Variants in KCNJ16 observed in about 807,000 individuals in gnomAD.
The protein encoded by KCNJ16 is potassium inwardly rectifying channel subfamily J member 16.
A neutral mutation model predicts 18.5 loss-of-function variants in KCNJ16; 15 were observed. The observed-to-expected ratio is 0.81, with a 90% confidence interval of 0.54 to 1.25. KCNJ16 has a LOEUF of 1.25. Among genes scored for constraint, KCNJ16 ranks in the 50% most tolerant of loss-of-function variants. The probability of loss-of-function intolerance (pLI) is 0.00; values close to 1 mark genes in which losing one functional copy is unlikely to be tolerated. For missense variants in KCNJ16, 523 were observed against 525.7 expected (o/e 0.99, Z 0.05); for synonymous variants, 174 against 186.5 (o/e 0.93, Z 0.55).
At chr17:70,121,406 G>A (rs2073632589) in intron 2 of KCNJ16, among the ~76,000 whole-genome samples, 1 of 152,080 alleles carries the variant, frequency 6.6e-6, no homozygotes, top group Non-Finnish European at 1.5e-5. Flanking sequence ...ACTCAGATTT[G>A]GCCCTCAGGC....
At chr17:70,104,890 C>T (rs1245915794) in intron 2 of KCNJ16, 3 of 152,580 alleles carry the variant, frequency 2.0e-5, no homozygotes, top group African/African-American at 7.2e-5. Context: ...TGAATGTATC[C>T]GGAAAGGCAA....
At chr17:70,111,770 T>A (rs950044992) in intron 2 of KCNJ16, among the ~76,000 whole-genome samples, 1 of 152,048 alleles carries the variant, frequency 6.6e-6, no homozygotes, top group Admixed American at 6.6e-5. Context: ...AGCTGATGGT[T>A]TTATAAGGGG....
chr17:70,125,520 C>T (rs189127005), intron 2 of KCNJ16, among the ~76,000 whole-genome samples: 1 of 152,272 alleles, frequency 6.6e-6, no homozygotes, highest in East Asian at 1.9e-4. Flanking sequence ...ACTCAGTTCT[C>T]ATGGTGTTAC....
Position 70,108,495 on chromosome 17 carries a change from TGA to T in KCNJ16, c.-191+7730_-191+7731del. 5 of 152,198 alleles carry T rather than the reference TGA, an allele frequency of 3.3e-5. No individual in the cohort carries two copies. The South Asian group carries it at 1.0e-3, about 32-fold the overall frequency. The allele number at this position is 152,198 out of a possible 1,614,324, so 9.4% of individuals were successfully genotyped here. A position where few individuals can be genotyped will look rare whatever the true frequency, so the allele number is the denominator to read the frequency against. On this transcript the variant is annotated intron_variant, in intron 2 of 3. Coordinates refer to ENST00000392671, the MANE Select transcript of KCNJ16 (RefSeq NM_170741.4). ...AAGACAAATCAGTCATTTTGCATGT[TGA>T]TATCTATAAATGACCACATCAACAT...
chr17:70,092,551 T>G (rs1332675006), intron 1 of KCNJ16, among the ~76,000 whole-genome samples: 4 of 28,304 alleles, frequency 1.4e-4, no homozygotes, highest in Non-Finnish European at 3.9e-4. Flanking sequence ...TAGATAGATA[T>G]AGATAGATGA....
intron 2 of KCNJ16, among the ~76,000 whole-genome samples, chr17:70,121,869 G>A (rs2073653986): frequency 6.6e-6 from 1 of 152,122 alleles, no homozygotes; most frequent in Non-Finnish European, 1.5e-5. Flanking sequence ...TGAGGTATGA[G>A]AATTCCTTGA....
At chr17:70,079,634 A>G (rs951020772) in intron 1 of KCNJ16, among the ~76,000 whole-genome samples, 4 of 152,212 alleles carry the variant, frequency 2.6e-5, no homozygotes, top group African/African-American at 9.6e-5. Flanking sequence ...CATAAAATGG[A>G]TCTGCCTAAA....
intron 2 of KCNJ16, among the ~76,000 whole-genome samples, chr17:70,123,755 A>T (rs979440809): frequency 6.6e-6 from 1 of 152,186 alleles, no homozygotes; most frequent in African/African-American, 2.4e-5. Context: ...TGATCTTCAT[A>T]TTCCTGCCCT....
chr17:70,103,486 A>C (rs2072770178), intron 2 of KCNJ16, among the ~76,000 whole-genome samples: 1 of 151,562 alleles, frequency 6.6e-6, no homozygotes, highest in African/African-American at 2.4e-5. Flanking sequence ...TTTGCTTGTA[A>C]CACTTTCTTT....
rs544747344 is a variant in KCNJ16, at chr17:70,134,340, A to G, written c.*996A>G. Reference sequence around the variant, plus strand: ...GGGAGGGAGATATTTATTTGTGCCCAGAAGCAGTTATGTATGCTTCTTGTC... The same window carrying G: ...GGGAGGGAGATATTTATTTGTGCCCGGAAGCAGTTATGTATGCTTCTTGTC... On this transcript the variant is annotated 3_prime_UTR_variant, in exon 4 of 4. Transcript: ENST00000392671. 14 of 167,170 alleles carry G rather than the reference A, an allele frequency of 8.4e-5. 1 individual carries two copies. In the Admixed American group the frequency reaches 9.2e-4, roughly 11 times the overall value. The allele number at this position is 167,170 out of a possible 1,614,324, so 10.4% of individuals were successfully genotyped here.
intron 2 of KCNJ16, among the ~76,000 whole-genome samples, chr17:70,103,656 T>C (rs139482644): frequency 3.8e-4 from 58 of 152,222 alleles, no homozygotes; most frequent in African/African-American, 1.3e-3. Context: ...ACTCTTGTAT[T>C]GTTTCATCCA....
chr17:70,119,330 G>A (rs766806078), intron 2 of KCNJ16, among the ~76,000 whole-genome samples: 10 of 152,218 alleles, frequency 6.6e-5, no homozygotes, highest in Non-Finnish European at 1.3e-4. Flanking sequence ...GGAGGATGGT[G>A]ACCCTTTGTC....
intron 1 of KCNJ16, among the ~76,000 whole-genome samples, chr17:70,089,476 C>T (rs1246687696): frequency 6.6e-6 from 1 of 152,088 alleles, no homozygotes; most frequent in South Asian, 2.1e-4. Flanking sequence ...CACCCAAAAC[C>T]ATTTAAAATT....
intron 1 of KCNJ16, among the ~76,000 whole-genome samples, chr17:70,095,633 A>T (rs2072323039): frequency 6.6e-6 from 1 of 152,060 alleles, no homozygotes; most frequent in Non-Finnish European, 1.5e-5. Context: ...TGGATAAATA[A>T]TTTCTGCTTG....
chr17:70,116,595 A>C (rs2144079099), intron 2 of KCNJ16, among the ~76,000 whole-genome samples: 1 of 152,304 alleles, frequency 6.6e-6, no homozygotes, highest in East Asian at 1.9e-4. Context: ...TGGGGGAGTC[A>C]CATTTCTAGT....
chr17:70,088,270 A>G (rs755650006), intron 1 of KCNJ16, among the ~76,000 whole-genome samples: 1 of 152,140 alleles, frequency 6.6e-6, no homozygotes, highest in Non-Finnish European at 1.5e-5. Flanking sequence ...ATCATCAGGC[A>G]TTAGTTAGAT....
rs1169254666 is a variant in KCNJ16 at position 70,132,050 on chromosome 17, T to C, written c.-38T>C. 6.2e-7 allele frequency: 1 copy of C among 1,613,282 alleles called. No individual in the cohort carries two copies. Among genetic ancestry groups the C allele is most frequent in the East Asian group, 2.2e-5 (1 of 44,878 alleles). On this transcript the variant is annotated 5_prime_UTR_variant, in exon 4 of 4. Coordinates refer to ENST00000392671, the MANE Select transcript of KCNJ16 (RefSeq NM_170741.4). ...GCAACAAGTCTAGAATTCTTACTAC[T>C]ACAAAACTCACCTGGATCCCTAAGG...
At chr17:70,099,760 C>T (rs1422912455) in intron 1 of KCNJ16, among the ~76,000 whole-genome samples, 1 of 152,096 alleles carries the variant, frequency 6.6e-6, no homozygotes, top group African/African-American at 2.4e-5. Flanking sequence ...AAATAATTCG[C>T]TCAAATTCAC....
intron 2 of KCNJ16, among the ~76,000 whole-genome samples, chr17:70,103,147 AAT>A (rs35045922): frequency 0.098 from 14,171 of 144,918 alleles, 741 homozygotes; most frequent in African/African-American, 0.13. Context: ...ATGTGTATAT[AAT>A]ATATATAATT....
Sources: allele counts gnomAD v4.1 joint callset (sites outside exome capture counted in the v4.1 genomes callset), GRCh38; gene constraint gnomAD v4.1.1; transcripts MANE v1.5; gene names NCBI Gene and HGNC (gene_info 2026-07-23, HGNC 2026-07-21).